PPFIBP1: variants seen among roughly 807,000 people sequenced by gnomAD.
PPFIBP1 encodes PPFIB scaffold protein 1, also known as liprin-beta-1.
Under a neutral mutation model 137.8 loss-of-function variants are expected in PPFIBP1, and 112 were observed. The ratio of observed to expected loss-of-function variants is 0.81; its 90% CI spans 0.70 to 0.95. The LOEUF is 0.95. Among genes scored for constraint, PPFIBP1 ranks in the 40% least tolerant of loss-of-function variants. The pLI is 0.00. For missense variants in PPFIBP1, 1,083 were observed against 1,196.6 expected (o/e 0.91, Z 1.40); for synonymous variants, 378 against 417.3 (o/e 0.91, Z 1.15).
At chr12:27,656,840 G>A (rs977580727) in intron 9 of PPFIBP1, 110 bp downstream of exon 9, 1 of 719,212 alleles carries the variant, frequency 1.4e-6, no homozygotes, top group Non-Finnish European at 2.4e-6. Context: ...AGAAAGAGCA[G>A]CAGAATCCAG....
At chr12:27,602,409 A>G (rs2054094251) in intron 2 of PPFIBP1, among the ~76,000 whole-genome samples, 2 of 152,158 alleles carry the variant, frequency 1.3e-5, no homozygotes, top group Admixed American at 1.3e-4. Flanking sequence ...CACATCTATC[A>G]CCTCACTGTG....
At chr12:27,691,600 G>A (rs1293545210) in intron 27 of PPFIBP1, 149 bp from the exon 28 acceptor site, 5 of 541,060 alleles carry the variant, frequency 9.2e-6, no homozygotes, top group Non-Finnish European at 1.6e-5. Context: ...TAAACATCCA[G>A]CTACTTTTCT....
intron 2 of PPFIBP1, among the ~76,000 whole-genome samples, chr12:27,592,220 T>C (rs1190764663): frequency 6.6e-6 from 1 of 152,186 alleles, no homozygotes; most frequent in African/African-American, 2.4e-5. Context: ...TTTCTGTCAC[T>C]GTTAGAGGAT....
intron 7 of PPFIBP1, among the ~76,000 whole-genome samples, chr12:27,650,449 T>C (rs1344223112): frequency 6.6e-6 from 1 of 152,250 alleles, no homozygotes; most frequent in Non-Finnish European, 1.5e-5. Flanking sequence ...CATACTGTTT[T>C]TCTTAATTTT....
At chr12:27,564,151 G>C (rs889921834) in intron 1 of PPFIBP1, among the ~76,000 whole-genome samples, 4 of 152,178 alleles carry the variant, frequency 2.6e-5, no homozygotes, top group Admixed American at 2.6e-4. Flanking sequence ...GATTACAGGC[G>C]TGAGCCACCG....
At chr12:27,592,501 C>T in intron 2 of PPFIBP1, 1 of 1,198,786 alleles carries the variant, frequency 8.3e-7, no homozygotes, top group Non-Finnish European at 1.2e-6. Flanking sequence ...AGGTTGAATT[C>T]TCTTGCCTCT....
chr12:27,658,936 C>A, intron 10 of PPFIBP1, 88 bp downstream of exon 10: 1 of 1,341,576 alleles, frequency 7.5e-7, no homozygotes, highest in South Asian at 1.3e-5. Context: ...AAACATTTCT[C>A]TCACCAAAGA....
At chr12:27,572,322 C>T (rs1411446855) in intron 1 of PPFIBP1, among the ~76,000 whole-genome samples, 1 of 152,170 alleles carries the variant, frequency 6.6e-6, no homozygotes, top group Non-Finnish European at 1.5e-5. Flanking sequence ...TCTCACACAG[C>T]ATATTACTCT....
chr12:27,536,741 C>G (rs1271402003), intron 1 of PPFIBP1, among the ~76,000 whole-genome samples: 1 of 152,192 alleles, frequency 6.6e-6, no homozygotes, highest in Admixed American at 6.5e-5. Context: ...ACCTGACTTA[C>G]AAAACGCAAA....
At position 27,646,073 on chromosome 12, in the gene PPFIBP1, C is replaced by T; in HGVS notation, c.282C>T (p.His94=). ...EWLQSQMTNG[H]LPGNGDVYQE... ...ACTTCCTTTTTCAGACAAATGGACA[C>T]CTACCAGGGAACGGAGATGTGTATC... The change falls in exon 5 of 30, where the codon CAC becomes CAT. Residue 94 remains histidine, a synonymous_variant. Coordinates refer to ENST00000228425, the MANE Select transcript of PPFIBP1 (RefSeq NM_003622.4). 2 of 1,606,882 alleles carry T rather than the reference C, an allele frequency of 1.2e-6. No individual in the cohort carries two copies. The highest frequency in any genetic ancestry group is 1.1e-5 in the South Asian group (1 of 90,890).
At chr12:27,640,997 A>T (rs1333604499) in intron 4 of PPFIBP1, among the ~76,000 whole-genome samples, 1 of 152,136 alleles carries the variant, frequency 6.6e-6, no homozygotes, top group South Asian at 2.1e-4. Context: ...TCCTTTCTTG[A>T]TCCTGAATGT....
chr12:27,647,805 G>GA lies in PPFIBP1; in HGVS notation c.435dup (p.Glu146ArgfsTer17). ...TTGGAGTTTTGTCTTGAAGAGCACA[G>GA]AGAGAAGGTGAATGCCACAGAAGAA... On this transcript the variant is annotated frameshift_variant, in exon 6 of 30. Coordinates refer to ENST00000228425, the MANE Select transcript of PPFIBP1 (RefSeq NM_003622.4). LOFTEE classifies it high-confidence loss of function. 6.2e-7 allele frequency: 1 copy of GA among 1,612,294 alleles called. No homozygotes were observed. Among genetic ancestry groups the GA allele is most frequent in the East Asian group, 2.2e-5 (1 of 44,754 alleles).
At chr12:27,617,061 C>A (rs995683645) in intron 2 of PPFIBP1, among the ~76,000 whole-genome samples, 7 of 152,164 alleles carry the variant, frequency 4.6e-5, no homozygotes, top group Non-Finnish European at 7.3e-5. Flanking sequence ...CAAGATGTTT[C>A]ATGTGGAAAA....
At chr12:27,525,777 G>A (rs749214453) in intron 1 of PPFIBP1, among the ~76,000 whole-genome samples, 1 of 152,096 alleles carries the variant, frequency 6.6e-6, no homozygotes, top group African/African-American at 2.4e-5. Context: ...CTATAGATGG[G>A]GTTCTCTATC....
intron 1 of PPFIBP1, among the ~76,000 whole-genome samples, chr12:27,544,760 G>A (rs534363034): frequency 1.2e-3 from 189 of 152,350 alleles, no homozygotes; most frequent in African/African-American, 4.3e-3. Flanking sequence ...TGGAGAGGAT[G>A]TAGAGAAATA....
intron 2 of PPFIBP1, among the ~76,000 whole-genome samples, chr12:27,590,605 C>T (rs2052383833): frequency 6.6e-6 from 1 of 152,148 alleles, no homozygotes; most frequent in African/African-American, 2.4e-5. Context: ...GGTGGCAGAG[C>T]AGGGACTAGG....
chr12:27,601,421 C>T (rs2053971426), intron 2 of PPFIBP1, among the ~76,000 whole-genome samples: 1 of 152,166 alleles, frequency 6.6e-6, no homozygotes, highest in Non-Finnish European at 1.5e-5. Flanking sequence ...TATCAAGGCT[C>T]ATGCACTTAA....
At chr12:27,654,859 C>A in intron 8 of PPFIBP1, 45 bp downstream of exon 8, 1 of 1,581,102 alleles carries the variant, frequency 6.3e-7, no homozygotes. Flanking sequence ...AATGGCATCA[C>A]TATTCATCTA....
chr12:27,622,877 A>G (rs2056465685), intron 2 of PPFIBP1, among the ~76,000 whole-genome samples: 1 of 152,218 alleles, frequency 6.6e-6, no homozygotes, highest in African/African-American at 2.4e-5. Context: ...AATAAAAAGA[A>G]ATACTGATTT....
Sources: gnomAD v4.1 joint callset for allele counts (sites outside exome capture counted in the v4.1 genomes callset) on GRCh38, gnomAD v4.1.1 for gene constraint, MANE v1.5 for transcripts, NCBI Gene and HGNC (gene_info 2026-07-23, HGNC 2026-07-21) for gene names.